OGG1: variants seen among roughly 807,000 people sequenced by gnomAD.
OGG1 encodes the protein 8-oxoguanine DNA glycosylase, also known as N-glycosylase/DNA lyase.
In OGG1, 35 loss-of-function variants were observed where a neutral mutation model predicts 42.3. The ratio of observed to expected loss-of-function variants is 0.83; its 90% CI spans 0.63 to 1.10. The LOEUF (loss-of-function observed/expected upper bound fraction) is 1.10. OGG1 is among the 50% of genes least tolerant of loss of function. The pLI, the probability that OGG1 is intolerant of heterozygous loss-of-function variation, is 0.00. For missense variants in OGG1, 484 were observed against 446.7 expected (o/e 1.08, Z -0.75); for synonymous variants, 189 against 179.0 (o/e 1.06, Z -0.44).
At chr3:9,782,715 C>T (rs1209273009) in intron 3 of OGG1, among the ~76,000 whole-genome samples, 2 of 148,158 alleles carry the variant, frequency 1.3e-5, no homozygotes, top group East Asian at 2.0e-4. Context: ...TGCCTGAACC[C>T]GGGAGGCGGA....
At chr3:9,766,544 C>A in exon 8 of OGG1, 1 of 555,732 alleles carries the variant, frequency 1.8e-6, no homozygotes, top group Non-Finnish European at 2.7e-6. Context: ...CTAAATCAAT[C>A]TGCAGTTTAA....
chr3:9,752,463 G>A (rs2077346802), intron 3 of OGG1, among the ~76,000 whole-genome samples: 1 of 148,798 alleles, frequency 6.7e-6, no homozygotes, highest in South Asian at 2.1e-4. Context: ...CAGGCGCAGT[G>A]GCTCACACCT....
chr3:9,752,235 A>G, intron 3 of OGG1: 1 of 496,530 alleles, frequency 2.0e-6, no homozygotes, highest in Non-Finnish European at 3.7e-6. Flanking sequence ...CATTCTGGGG[A>G]CAGACCCATG....
chr3:9,783,769 C>G, intron 3 of OGG1: 1 of 493,554 alleles, frequency 2.0e-6, no homozygotes, highest in Non-Finnish European at 3.3e-6. Flanking sequence ...CAGTGCGAGA[C>G]TCCCTCTCAA....
chr3:9,751,780 G>T lies in OGG1; in HGVS notation c.396G>T (p.Leu132=). Residue 132 remains leucine, a synonymous_variant, in exon 3 of 7, where the codon CTG becomes CTT. Coordinates refer to ENST00000344629, the MANE Select transcript of OGG1 (RefSeq NM_002542.6). ...EVAQKFQGVR[L]LRQDPIECLF... is the part of the protein sequence containing the mutation. The stretch of plus-strand genomic sequence containing the variant: ...ATTTCTGGTCTCCAGGTGTGCGACT[G>T]CTGCGACAAGACCCCATCGAATGCC... 1.2e-6 allele frequency: 2 copies of T among 1,614,182 alleles called. No individual in the cohort carries two copies. Among genetic ancestry groups the T allele is most frequent in the Non-Finnish European group, 1.7e-6 (2 of 1,180,034 alleles).
intron 2 of OGG1, among the ~76,000 whole-genome samples, chr3:9,771,810 CTTTTTTTTT>C (rs5846644): frequency 4.5e-5 from 3 of 66,712 alleles, no homozygotes; most frequent in East Asian, 5.4e-4. Context: ...TGTACAACTT[CTTTTTTTTT>C]TTTTTTTTTT....
chr3:9,779,650 T>TA (rs891955194), intron 2 of OGG1, among the ~76,000 whole-genome samples: 10 of 147,938 alleles, frequency 6.8e-5, no homozygotes, highest in Non-Finnish European at 1.1e-4. Context: ...GAACTTAAAT[T>TA]AAAAAAAAAA....
intron 2 of OGG1, chr3:9,781,456 G>T: frequency 2.2e-6 from 1 of 447,900 alleles, no homozygotes; most frequent in Admixed American, 2.4e-5. Context: ...AGTTAGTGAG[G>T]GGGAGATCTG....
At chr3:9,783,238 CAAA>C (rs905492730) in intron 3 of OGG1, 1 of 151,058 alleles carries the variant, frequency 6.6e-6, no homozygotes, top group Non-Finnish European at 1.5e-5. Context: ...CATGAAAAGA[CAAA>C]AAATAAATCA....
chr3:9,764,685 A>G (rs562722204), intron 7 of OGG1, among the ~76,000 whole-genome samples: 89 of 131,482 alleles, frequency 6.8e-4, no homozygotes, highest in African/African-American at 2.5e-3. Context: ...CTGGAGTGTA[A>G]TGCACGGTGT....
chr3:9,764,617 G>GTTTTTTT (rs202012854), intron 7 of OGG1, among the ~76,000 whole-genome samples: 4 of 93,456 alleles, frequency 4.3e-5, no homozygotes, highest in Admixed American at 1.2e-4. Context: ...TGGCGTTTTT[G>GTTTTTTT]TTTTTTTTTT....
chr3:9,767,655 C>T, downstream of OGG1: 2 of 1,614,138 alleles, frequency 1.2e-6, no homozygotes, highest in African/African-American at 2.7e-5. Flanking sequence ...CCCAATCCTG[C>T]CCTGGACTCA....
intron 2 of OGG1, among the ~76,000 whole-genome samples, chr3:9,771,810 CTTTTTTT>C (rs5846644): frequency 1.3e-4 from 9 of 66,770 alleles, no homozygotes; most frequent in Admixed American, 3.7e-4. Context: ...TGTACAACTT[CTTTTTTT>C]TTTTTTTTTT....
At chr3:9,766,445 G>A in exon 8 of OGG1, 1 of 416,550 alleles carries the variant, frequency 2.4e-6, no homozygotes, top group Non-Finnish European at 4.5e-6. Flanking sequence ...AACTTTTTTA[G>A]AAATGCAAAA....
downstream of OGG1, chr3:9,759,960 T>G (rs1381022442): frequency 1.5e-6 from 1 of 653,056 alleles, no homozygotes; most frequent in Non-Finnish European, 2.5e-6. Flanking sequence ...GAAAAACATA[T>G]GGCCGGGCAC....
chr3:9,788,543 CTT>C (rs879587825), downstream of OGG1, among the ~76,000 whole-genome samples: 10 of 133,810 alleles, frequency 7.5e-5, no homozygotes, highest in African/African-American at 1.9e-4. Context: ...CCGCACCCGG[CTT>C]TTTTTTTTTT....
At chr3:9,781,370 C>T (rs2078459404) in intron 2 of OGG1, 1 of 392,666 alleles carries the variant, frequency 2.5e-6, no homozygotes, top group African/African-American at 2.1e-5. Flanking sequence ...ATCCTAACAA[C>T]CCTGCAAAAT....
chr3:9,758,909 C>T, downstream of OGG1: 1 of 403,298 alleles, frequency 2.5e-6, no homozygotes, highest in South Asian at 2.1e-5. Context: ...GGATTACAGG[C>T]GTGAGCCACC....
At chr3:9,771,563 A>C (rs557205491), downstream of OGG1, among the ~76,000 whole-genome samples, 15 of 152,322 alleles carry the variant, frequency 9.8e-5, no homozygotes, top group Admixed American at 6.5e-4. Flanking sequence ...TGAGACTCAG[A>C]GAGAGGACTT....
Sources: allele counts gnomAD v4.1 joint callset (sites outside exome capture counted in the v4.1 genomes callset), GRCh38; gene constraint gnomAD v4.1.1; transcripts MANE v1.5; gene names NCBI Gene and HGNC (gene_info 2026-07-23, HGNC 2026-07-21).